TMA7B: variants seen among roughly 807,000 people sequenced by gnomAD.
The protein encoded by TMA7B is translation machinery associated 7 homolog B, also known as translation machinery-associated protein 7B.
the TMA7B span, among the ~76,000 whole-genome samples, chr22:39,962,147 G>A: frequency 6.6e-6 from 1 of 152,218 alleles, no homozygotes; most frequent in Admixed American, 6.5e-5. Flanking sequence ...TCAGGGTCGG[G>A]CGCCGTGGCT....
At chr22:39,963,735 T>C in the TMA7B span, among the ~76,000 whole-genome samples, 3 of 152,110 alleles carry the variant, frequency 2.0e-5, no homozygotes, top group African/African-American at 7.2e-5. Flanking sequence ...GAAACCTCCA[T>C]GGTCAGGCGC....
the TMA7B span, chr22:39,964,361 G>C: frequency 1.4e-6 from 1 of 717,446 alleles, no homozygotes; most frequent in Non-Finnish European, 2.5e-6. Context: ...TCTGGGGAAG[G>C]GGCGGCAGGC....
At chr22:39,964,509 GA>G in the TMA7B span, 1 of 1,009,866 alleles carries the variant, frequency 9.9e-7, no homozygotes, top group Non-Finnish European at 1.6e-6. Flanking sequence ...TGCTAAAAGC[GA>G]AGGTCGTGGG....
the TMA7B span, chr22:39,964,715 T>TAAAAAAAAAAA: frequency 3.3e-6 from 1 of 307,642 alleles, no homozygotes; most frequent in Non-Finnish European, 5.8e-6. Flanking sequence ...TAAACTTTTG[T>TAAAAAAAAAAA]AAAAAAAAAA....
At chr22:39,963,485 G>A in the TMA7B span, among the ~76,000 whole-genome samples, 1 of 152,186 alleles carries the variant, frequency 6.6e-6, no homozygotes, top group Non-Finnish European at 1.5e-5. Context: ...GAAGGATAAT[G>A]ACTTTGAGTT....
chr22:39,964,304 G>A, the TMA7B span: 4 of 674,686 alleles, frequency 5.9e-6, no homozygotes, highest in African/African-American at 5.4e-5. Context: ...GTCCAGACTG[G>A]CAACAAAAGG....
chr22:39,963,723 A>G, the TMA7B span, among the ~76,000 whole-genome samples: 8 of 152,172 alleles, frequency 5.3e-5, no homozygotes, highest in Non-Finnish European at 1.5e-5. Context: ...ATCCATCCCT[A>G]AGAAACCTCC....
chr22:39,964,012 A>C, the TMA7B span: 1 of 182,770 alleles, frequency 5.5e-6, no homozygotes, highest in Non-Finnish European at 1.1e-5. Flanking sequence ...CGAGACTCTG[A>C]CTCAAAAAGA....
the TMA7B span, chr22:39,964,695 C>T: frequency 3.1e-6 from 1 of 322,746 alleles, no homozygotes; most frequent in African/African-American, 2.6e-5. Flanking sequence ...AGCTGTTGTA[C>T]ATTTAAGAAT....
the TMA7B span, among the ~76,000 whole-genome samples, chr22:39,961,999 C>A: frequency 6.6e-6 from 1 of 152,238 alleles, no homozygotes; most frequent in African/African-American, 2.4e-5. Flanking sequence ...TGCTTAAACT[C>A]TTTTCTTCAG....
chr22:39,961,038 C>T, the TMA7B span: 1 of 151,840 alleles, frequency 6.6e-6, no homozygotes, highest in African/African-American at 2.4e-5. Context: ...CTCTGTGTCC[C>T]AGGCTCAAGC....
chr22:39,964,709 C>T, the TMA7B span: 6 of 306,558 alleles, frequency 2.0e-5, no homozygotes, highest in African/African-American at 6.7e-5. Context: ...TAAGAATAAA[C>T]TTTTGTAAAA....
chr22:39,962,050 A>T, the TMA7B span, among the ~76,000 whole-genome samples: 1 of 152,234 alleles, frequency 6.6e-6, no homozygotes, highest in Non-Finnish European at 1.5e-5. Context: ...GGTTAACTTT[A>T]GTTCAGGCCA....
the TMA7B span, among the ~76,000 whole-genome samples, chr22:39,962,495 C>T: frequency 3.9e-5 from 6 of 152,068 alleles, no homozygotes; most frequent in African/African-American, 2.4e-5. Flanking sequence ...ATATATTTAA[C>T]ATGCGTGTAT....
At chr22:39,960,464 T>G in the TMA7B span, 4 of 375,466 alleles carry the variant, frequency 1.1e-5, no homozygotes, top group Admixed American at 3.7e-5. Context: ...ACTTCATCTT[T>G]ATGCCTTTAA....
At chr22:39,964,259 C>G in the TMA7B span, 4 of 615,044 alleles carry the variant, frequency 6.5e-6, no homozygotes, top group Non-Finnish European at 1.1e-5. Flanking sequence ...TCCATTTTCT[C>G]TAGCCCTGGT....
At chr22:39,962,282 T>G in the TMA7B span, among the ~76,000 whole-genome samples, 1 of 152,006 alleles carries the variant, frequency 6.6e-6, no homozygotes, top group African/African-American at 2.4e-5. Flanking sequence ...ATTAACCCAG[T>G]GCAGTGGCGC....
the TMA7B span, among the ~76,000 whole-genome samples, chr22:39,961,658 G>T: frequency 6.6e-6 from 1 of 152,242 alleles, no homozygotes; most frequent in African/African-American, 2.4e-5. Context: ...TGGTCAGCAT[G>T]TTGAGGATCG....
chr22:39,964,835 G>T, the TMA7B span: 2 of 325,218 alleles, frequency 6.1e-6, no homozygotes, highest in African/African-American at 4.3e-5. Context: ...GCCAGAATCT[G>T]CTCTTTGGTC....
Sources: gnomAD v4.1 joint callset for allele counts (sites outside exome capture counted in the v4.1 genomes callset) on GRCh38, gnomAD v4.1.1 for gene constraint, MANE v1.5 for transcripts, NCBI Gene and HGNC (gene_info 2026-07-23, HGNC 2026-07-21) for gene names.